The following KCNK18 variants were observed in gnomAD, a reference collection of about 807,000 sequenced individuals.
KCNK18 encodes potassium two pore domain channel subfamily K member 18.
KCNK18 carries 8 observed loss-of-function variants against 11.8 expected under a neutral mutation model. The observed-to-expected ratio is 0.68, with a 90% CI of 0.40 to 1.22. The LOEUF (loss-of-function observed/expected upper bound fraction) is 1.22, where lower values mean the gene tolerates loss of function less well. Among genes scored for constraint, KCNK18 ranks in the 50% most tolerant of loss-of-function variants. The probability of loss-of-function intolerance (pLI) is 0.01; values close to 1 mark genes in which losing one functional copy is unlikely to be tolerated. For synonymous variants in KCNK18, 208 were observed against 185.8 expected (o/e 1.12, Z -0.97); for missense variants, 442 against 465.4 (o/e 0.95, Z 0.46).
chr10:117,199,825 C>G (rs1162043819), intron 1 of KCNK18, among the ~76,000 whole-genome samples: 1 of 152,190 alleles, frequency 6.6e-6, no homozygotes, highest in Non-Finnish European at 1.5e-5. Context: ...CTGCTGCATG[C>G]CAGGTTCAGT....
chr10:117,199,463 T>C (rs965813174), intron 1 of KCNK18, among the ~76,000 whole-genome samples: 39 of 152,262 alleles, frequency 2.6e-4, no homozygotes, highest in African/African-American at 8.9e-4. Context: ...ATGTAGACCC[T>C]GTGGCAAACA....
chr10:117,201,387 C>T, intron 2 of KCNK18, 100 bp downstream of exon 2: 1 of 1,245,882 alleles, frequency 8.0e-7, no homozygotes, highest in Non-Finnish European at 1.2e-6. Flanking sequence ...TGGCCCTCCT[C>T]TCCCTCTCTT....
At chr10:117,204,338 G>A (rs920231240) in intron 2 of KCNK18, among the ~76,000 whole-genome samples, 6 of 151,564 alleles carry the variant, frequency 4.0e-5, no homozygotes, top group African/African-American at 7.3e-5. Flanking sequence ...CTCAACCTCA[G>A]CACTATCAGC....
Position 117,200,616 on chromosome 10 carries a change from G to C in KCNK18, c.224-543G>C, listed in dbSNP as rs114296208. 6.7e-3 allele frequency among the ~76,000 whole-genome samples: 1,025 copies of C among 152,176 alleles called. 10 individuals carry two copies. Among genetic ancestry groups the C allele is most frequent in the African/African-American group, 0.023 (967 of 41,534 alleles). On this transcript the variant is annotated intron_variant, in intron 1 of 2. Coordinates refer to ENST00000334549, the MANE Select transcript of KCNK18 (RefSeq NM_181840.1). ...AGGTCAAGAAATTGAGACCATCCTG[G>C]CCAATGAGGTGAAACCCCGTCTCAA...
chr10:117,206,536 G>C (rs1242513252), intron 2 of KCNK18, among the ~76,000 whole-genome samples: 1 of 152,012 alleles, frequency 6.6e-6, no homozygotes, highest in Admixed American at 6.6e-5. Flanking sequence ...GCTATATTTG[G>C]GGGCTGTCAT....
At position 117,210,049 on chromosome 10, in the gene KCNK18, C is replaced by G; in HGVS notation, c.905C>G (p.Pro302Arg). The change falls in exon 3 of 3, where the codon CCC becomes CGC. Residue 302 changes from proline (P) to arginine (R), a missense_variant. Coordinates refer to ENST00000334549, the MANE Select transcript of KCNK18 (RefSeq NM_181840.1). Reference protein sequence around the residue: ...AYISCAAAILPFWETQLDFEN... With the variant: ...AYISCAAAILRFWETQLDFEN... Reference sequence around the variant, plus strand: ...ATTTCCTGTGCAGCTGCCATCCTCCCCTTCTGGGAGACACAGTTGGATTTC... The same window carrying G: ...ATTTCCTGTGCAGCTGCCATCCTCCGCTTCTGGGAGACACAGTTGGATTTC... The G allele has an allele frequency of 6.2e-7, 1 of 1,614,212 alleles. No homozygotes were observed. The highest frequency in any genetic ancestry group is 8.5e-7 in the Non-Finnish European group (1 of 1,180,036).
chr10:117,203,832 C>T (rs746768606), intron 2 of KCNK18, among the ~76,000 whole-genome samples: 15 of 152,138 alleles, frequency 9.9e-5, no homozygotes, highest in Non-Finnish European at 1.8e-4. Context: ...CCACTGCACC[C>T]GGCCATGCCT....
chr10:117,208,015 T>G (rs1363354249), intron 2 of KCNK18, among the ~76,000 whole-genome samples: 1 of 152,056 alleles, frequency 6.6e-6, no homozygotes, highest in Non-Finnish European at 1.5e-5. Context: ...CCTCTGTAGG[T>G]GCAAGGGGAG....
intron 2 of KCNK18, among the ~76,000 whole-genome samples, chr10:117,203,431 C>T (rs763440764): frequency 6.6e-6 from 1 of 152,154 alleles, no homozygotes; most frequent in South Asian, 2.1e-4. Context: ...CCAGGGGAAC[C>T]CACAGCTCAG....
In KCNK18 at chr10:117,197,608, C is replaced by T; in HGVS notation, c.120C>T (p.Val40=). The change falls in exon 1 of 3, where the codon GTC becomes GTT. Residue 40 remains valine (V), a synonymous_variant. Transcript: ENST00000334549. ...LVTYALVGAV[V]FSAIEDGQVL... is the part of the protein sequence containing the mutation. ...CCTACGCCCTGGTGGGTGCTGTGGTCTTCTCTGCCATTGAGGACGGCCAGG... is the reference window on the plus strand; with the variant it reads ...CCTACGCCCTGGTGGGTGCTGTGGTTTTCTCTGCCATTGAGGACGGCCAGG... 6.2e-7 allele frequency: 1 copy of T among 1,614,152 alleles called. No homozygotes were observed. The highest frequency in any genetic ancestry group is 1.7e-5 in the Admixed American group (1 of 60,032).
rs201850637 is a variant in KCNK18 at position 117,202,886 on chromosome 10, C to CTTT, written c.352+1619_352+1621dup. ...GTGGTTTCTCCCATTTGCCTGAATGCTTTTTTTTTTTTTTTTTTTTTTGAG... is the reference window on the plus strand; with the variant it reads ...GTGGTTTCTCCCATTTGCCTGAATGCTTTTTTTTTTTTTTTTTTTTTTTTTGAG... On this transcript the variant is annotated intron_variant, in intron 2 of 2. Coordinates refer to ENST00000334549, the MANE Select transcript of KCNK18 (RefSeq NM_181840.1). 4.9e-4 allele frequency among the ~76,000 whole-genome samples: 60 copies of CTTT among 122,984 alleles called. 1 individual carries two copies. The highest frequency in any genetic ancestry group is 1.7e-3 in the African/African-American group (49 of 29,268). 80.7% of individuals were successfully genotyped at this position (122,984 alleles called of 152,430 possible).
chr10:117,208,736 A>C (rs1855106431), intron 2 of KCNK18, among the ~76,000 whole-genome samples: 1 of 134,168 alleles, frequency 7.5e-6, no homozygotes, highest in Admixed American at 8.8e-5. Context: ...ATGGAGGACA[A>C]GGGTAGCTTT....
rs1454698681 is a variant in KCNK18, at chr10:117,201,211, T to C, written c.276T>C (p.Pro92=). 6.2e-7 allele frequency: 1 copy of C among 1,614,144 alleles called. No homozygotes were observed. Among genetic ancestry groups the C allele is most frequent in the Middle Eastern group, 1.6e-4 (1 of 6,062 alleles). The part of the protein sequence containing the change: ...DLQGHLQKVK[P]QWFNRTTHWS... ...AGGGGCATCTGCAGAAGGTGAAGCC[T>C]CAGTGGTTTAACAGGACCACACACT... The change falls in exon 2 of 3, where the codon CCT becomes CCC. Residue 92 remains proline, a synonymous_variant. Transcript: ENST00000334549.
intron 2 of KCNK18, among the ~76,000 whole-genome samples, chr10:117,202,155 G>A (rs1855020760): frequency 6.6e-6 from 1 of 152,254 alleles, no homozygotes; most frequent in Non-Finnish European, 1.5e-5. Context: ...GCCCACAGGG[G>A]TTGCAGAGAG....
chr10:117,197,907 C>T (rs1423651885), intron 1 of KCNK18, among the ~76,000 whole-genome samples, 196 bp downstream of exon 1: 1 of 152,080 alleles, frequency 6.6e-6, no homozygotes, highest in Non-Finnish European at 1.5e-5. Flanking sequence ...CTAACTGCCT[C>T]TCAGGGTTGC....
At chr10:117,204,294 G>T (rs974434364) in intron 2 of KCNK18, among the ~76,000 whole-genome samples, 2 of 148,354 alleles carry the variant, frequency 1.3e-5, no homozygotes, top group South Asian at 4.3e-4. Context: ...AAAGAAAAAA[G>T]AAAAAAACCT....
chr10:117,208,206 G>C (rs763402144), intron 2 of KCNK18, among the ~76,000 whole-genome samples: 1 of 152,104 alleles, frequency 6.6e-6, no homozygotes, highest in East Asian at 1.9e-4. Flanking sequence ...GTATGCTCAC[G>C]GCCAAGCTAC....
chr10:117,208,494 G>A (rs1355354180), intron 2 of KCNK18, among the ~76,000 whole-genome samples: 1 of 152,120 alleles, frequency 6.6e-6, no homozygotes, highest in Admixed American at 6.5e-5. Context: ...ATCATAAATA[G>A]CAGAGCTGGG....
intron 1 of KCNK18, among the ~76,000 whole-genome samples, chr10:117,200,023 G>T (rs866989872): frequency 6.6e-6 from 1 of 152,224 alleles, no homozygotes; most frequent in Non-Finnish European, 1.5e-5. Context: ...ACACTCACAG[G>T]TAGCTGGTGC....
Sources: gnomAD v4.1 joint callset for allele counts (sites outside exome capture counted in the v4.1 genomes callset) on GRCh38, gnomAD v4.1.1 for gene constraint, MANE v1.5 for transcripts, NCBI Gene and HGNC (gene_info 2026-07-23, HGNC 2026-07-21) for gene names.